Variants in SSH2 observed in about 807,000 individuals in gnomAD.
SSH2 encodes slingshot protein phosphatase 2.
Under a neutral mutation model 135.2 loss-of-function variants are expected in SSH2, and 37 were observed. The ratio of observed to expected loss-of-function variants is 0.27; its 90% CI spans 0.21 to 0.36. The LOEUF (loss-of-function observed/expected upper bound fraction) is 0.36. SSH2 is among the 10% of genes least tolerant of loss of function. The pLI is 1.00. For synonymous variants in SSH2, 628 were observed against 646.2 expected (o/e 0.97, Z 0.43); for missense variants, 1,408 against 1,765.3 (o/e 0.80, Z 3.63).
At chr17:29,643,225 C>T in intron 14 of SSH2, 1 of 985,292 alleles carries the variant, frequency 1.0e-6, no homozygotes, top group Non-Finnish European at 1.2e-6. Flanking sequence ...TGGGCCTATT[C>T]ACTTGGCAGT....
chr17:29,870,991 C>T (rs2065928842), intron 1 of SSH2, among the ~76,000 whole-genome samples: 1 of 152,152 alleles, frequency 6.6e-6, no homozygotes, highest in Non-Finnish European at 1.5e-5. Context: ...CAACATCATA[C>T]AGGGCCAACT....
chr17:29,849,611 T>A (rs1333934351), intron 1 of SSH2, among the ~76,000 whole-genome samples: 3 of 151,852 alleles, frequency 2.0e-5, no homozygotes, highest in Admixed American at 6.6e-5. Flanking sequence ...TGTATTTGTT[T>A]AGAGATAGGC....
chr17:29,746,285 C>T (rs2040757859), intron 3 of SSH2, among the ~76,000 whole-genome samples: 2 of 152,078 alleles, frequency 1.3e-5, no homozygotes, highest in Non-Finnish European at 2.9e-5. Flanking sequence ...ATGTCTCATG[C>T]CTGTAATCCT....
At chr17:29,651,764 C>G (rs911446414) in intron 12 of SSH2, among the ~76,000 whole-genome samples, 3 of 152,040 alleles carry the variant, frequency 2.0e-5, no homozygotes, top group Non-Finnish European at 4.4e-5. Flanking sequence ...GTCAAGTGGC[C>G]AAAAATTTTC....
chr17:29,790,135 T>C (rs899999753), intron 3 of SSH2, among the ~76,000 whole-genome samples: 3 of 152,154 alleles, frequency 2.0e-5, no homozygotes, highest in African/African-American at 7.2e-5. Flanking sequence ...ATTTTGTGGG[T>C]TCCCGGGCAA....
intron 2 of SSH2, among the ~76,000 whole-genome samples, chr17:29,835,948 G>C (rs1389142177): frequency 7.3e-6 from 1 of 136,576 alleles, no homozygotes; most frequent in Non-Finnish European, 1.5e-5. Flanking sequence ...GATAGAGCAA[G>C]ACTTCGTCTC....
At chr17:29,834,864 A>G (rs1158366321) in intron 2 of SSH2, among the ~76,000 whole-genome samples, 1 of 152,202 alleles carries the variant, frequency 6.6e-6, no homozygotes, top group Non-Finnish European at 1.5e-5. Flanking sequence ...TGGCTTCACT[A>G]TATTACCATA....
chr17:29,666,987 T>C lies in SSH2; in HGVS notation c.912A>G (p.Thr304=). The C allele has an allele frequency of 6.2e-7, 1 of 1,614,160 alleles. No homozygotes were observed. The highest frequency in any genetic ancestry group is 8.5e-7 in the Non-Finnish European group (1 of 1,180,022). Residue 304 remains threonine, a synonymous_variant, in exon 11 of 16, where the codon ACA becomes ACG. Coordinates refer to ENST00000540801, the MANE Select transcript of SSH2 (RefSeq NM_001282129.2). ...TGCACACCATTTGCATTTCCAACTC[T>C]GTTCTTATCTGAAACAAAGATGATA... The part of the protein sequence containing the change: ...LENITSKEIR[T]ELEMQMVCNL...
chr17:29,699,515 A>T (rs2038895598), intron 4 of SSH2, among the ~76,000 whole-genome samples: 1 of 152,202 alleles, frequency 6.6e-6, no homozygotes, highest in Non-Finnish European at 1.5e-5. Flanking sequence ...AAGCAAGTCC[A>T]TTCAGCTTGT....
At chr17:29,901,134 T>C (rs1029779980) in intron 1 of SSH2, among the ~76,000 whole-genome samples, 1 of 151,830 alleles carries the variant, frequency 6.6e-6, no homozygotes, top group Non-Finnish European at 1.5e-5. Flanking sequence ...TGTTGTGGGT[T>C]GGGGGGAGGG....
Position 29,677,563 on chromosome 17 carries a change from T to A in SSH2, c.548+110A>T. On this transcript the variant is annotated intron_variant, in intron 7 of 15. Coordinates refer to ENST00000540801, the MANE Select transcript of SSH2 (RefSeq NM_001282129.2). ...AAAAGGACTCATTCAGCTGTTGACA[T>A]GAAAGTTCAGTTGGCACACTGGGCC... is the stretch of plus-strand genomic sequence containing the variant. 2.3e-6 allele frequency: 2 copies of A among 869,820 alleles called. 1 individual carries two copies. The highest frequency in any genetic ancestry group is 2.8e-5 in the South Asian group (2 of 70,888). The allele number at this position is 869,820 out of a possible 1,614,324, so 53.9% of individuals were successfully genotyped here.
chr17:29,655,685 G>T, intron 11 of SSH2, 78 bp from the exon 12 acceptor site: 2 of 1,337,114 alleles, frequency 1.5e-6, no homozygotes, highest in African/African-American at 1.4e-5. Context: ...GAGAGAAGAA[G>T]AACTTTCAAA....
rs553816579 is a variant in SSH2, at chr17:29,761,598, A to C, written c.188+32296T>G. Reference sequence around the variant, plus strand: ...CTTTAGGGCATCCGGCGGCCCCAAGACACTGCTGCCTCGGTAAGGGAGTGA... The same window carrying C: ...CTTTAGGGCATCCGGCGGCCCCAAGCCACTGCTGCCTCGGTAAGGGAGTGA... On this transcript the variant is annotated intron_variant, in intron 3 of 15. Transcript: ENST00000540801. 3.9e-5 allele frequency among the ~76,000 whole-genome samples: 6 copies of C among 152,200 alleles called. No homozygotes were observed. In the South Asian group the frequency reaches 1.2e-3, roughly 32 times the overall value.
chr17:29,760,564 T>C (rs1302015690), intron 3 of SSH2, among the ~76,000 whole-genome samples: 1 of 152,136 alleles, frequency 6.6e-6, no homozygotes, highest in Non-Finnish European at 1.5e-5. Context: ...CTTTGGTGAA[T>C]GAAGGTGTGC....
At chr17:29,698,631 C>G (rs1598828512) in intron 4 of SSH2, among the ~76,000 whole-genome samples, 1 of 151,796 alleles carries the variant, frequency 6.6e-6, no homozygotes, top group South Asian at 2.1e-4. Flanking sequence ...GACTAACTAC[C>G]CTAGGTGTTG....
intron 8 of SSH2, among the ~76,000 whole-genome samples, chr17:29,674,589 A>AT (rs934873679): frequency 2.4e-4 from 36 of 152,012 alleles, no homozygotes; most frequent in African/African-American, 8.5e-4. Context: ...CACATCATCT[A>AT]TTTTTTTCCC....
intron 14 of SSH2, among the ~76,000 whole-genome samples, chr17:29,638,600 G>C (rs547994007): frequency 2.0e-5 from 3 of 151,400 alleles, no homozygotes; most frequent in South Asian, 2.1e-4. Flanking sequence ...CTGGAGTGCA[G>C]TGAAACGATC....
chr17:29,728,118 G>A (rs1049779041), intron 3 of SSH2, among the ~76,000 whole-genome samples: 3 of 152,096 alleles, frequency 2.0e-5, no homozygotes, highest in Non-Finnish European at 2.9e-5. Flanking sequence ...ATGAGCCACT[G>A]TGCCCATGCA....
intron 5 of SSH2, among the ~76,000 whole-genome samples, chr17:29,690,931 CACAG>C (rs1482847135): frequency 1.3e-5 from 2 of 151,510 alleles, no homozygotes; most frequent in Non-Finnish European, 2.9e-5. Flanking sequence ...CACACACACA[CACAG>C]ACACACACAC....
Sources: allele counts gnomAD v4.1 joint callset (sites outside exome capture counted in the v4.1 genomes callset), GRCh38; gene constraint gnomAD v4.1.1; transcripts MANE v1.5; gene names NCBI Gene and HGNC (gene_info 2026-07-23, HGNC 2026-07-21).